LYRM4: variants seen among roughly 807,000 people sequenced by gnomAD.
LYRM4 encodes the protein LYR motif containing 4, also known as LYR motif-containing protein 4.
Under a neutral mutation model 11.7 loss-of-function variants are expected in LYRM4, and 9 were observed. That is an observed-to-expected ratio of 0.77 (90% CI 0.46 to 1.34). The LOEUF (loss-of-function observed/expected upper bound fraction) is 1.34. Among genes scored for constraint, LYRM4 ranks in the 40% most tolerant of loss-of-function variants. The pLI, the probability that LYRM4 is intolerant of heterozygous loss-of-function variation, is 0.00. For synonymous variants in LYRM4, 42 were observed against 40.4 expected, an observed-to-expected ratio of 1.04 and a Z score of -0.15; for missense variants, 133 against 112.5, an observed-to-expected ratio of 1.18 and a Z score of -0.82.
intron 1 of LYRM4, among the ~76,000 whole-genome samples, chr6:5,227,250 T>G (rs1401483276): frequency 6.6e-6 from 1 of 152,116 alleles, no homozygotes; most frequent in Non-Finnish European, 1.5e-5. Flanking sequence ...AAGAAGAGCT[T>G]GTTCCGATGA....
the LYRM4 span, among the ~76,000 whole-genome samples, chr6:5,098,287 T>A: frequency 6.6e-6 from 1 of 152,158 alleles, no homozygotes; most frequent in Admixed American, 6.5e-5. Flanking sequence ...GCACTGTGAG[T>A]CTCTGGTAGG....
chr6:5,169,608 A>G (rs1440823083), intron 2 of LYRM4, among the ~76,000 whole-genome samples: 2 of 152,218 alleles, frequency 1.3e-5, no homozygotes, highest in Admixed American at 1.3e-4. Flanking sequence ...TGTGAAATAC[A>G]CACCTATTTT....
chr6:5,198,501 G>A (rs1761203016), intron 2 of LYRM4, among the ~76,000 whole-genome samples: 1 of 152,154 alleles, frequency 6.6e-6, no homozygotes, highest in African/African-American at 2.4e-5. Flanking sequence ...AAAAGGCAAG[G>A]CACATTACTC....
chr6:5,244,092 T>C (rs76392548), intron 1 of LYRM4, among the ~76,000 whole-genome samples: 3,364 of 152,362 alleles, frequency 0.022, 119 homozygotes, highest in African/African-American at 0.074. Flanking sequence ...GACTTTATGA[T>C]GGCATGAGAG....
At chr6:5,156,145 G>A (rs992146201) in intron 2 of LYRM4, among the ~76,000 whole-genome samples, 4 of 152,202 alleles carry the variant, frequency 2.6e-5, no homozygotes, top group South Asian at 2.1e-4. Context: ...ATGATGAAAC[G>A]AAGTTAGCTC....
chr6:5,253,428 T>G (rs560430550), intron 1 of LYRM4, among the ~76,000 whole-genome samples: 29 of 134,636 alleles, frequency 2.2e-4, no homozygotes, highest in Admixed American at 1.6e-3. Flanking sequence ...CAATTCTCAG[T>G]TTTTTTTTTT....
intron 1 of LYRM4, 50 bp downstream of exon 1, chr6:5,260,598 T>TGCCCCGGCCCCCGGGCCCCCCCC: frequency 1.8e-6 from 2 of 1,105,570 alleles, no homozygotes; most frequent in Non-Finnish European, 2.6e-6. Context: ...GCACCCCCGG[T>TGCCCCGGCCCCCGGGCCCCCCCC]CCCCGGCCCC....
At chr6:5,088,010 C>CCCA in the LYRM4 span, 1 of 152,104 alleles carries the variant, frequency 6.6e-6, no homozygotes, top group African/African-American at 2.4e-5. Flanking sequence ...TACATTTGGC[C>CCCA]CATGGGCCAA....
At chr6:5,037,616 G>A in the LYRM4 span, among the ~76,000 whole-genome samples, 202 of 63,330 alleles carry the variant, frequency 3.2e-3, no homozygotes, top group East Asian at 8.5e-3. Context: ...CCTCCCGGAC[G>A]GGGCGGCTGG....
At chr6:5,169,795 T>C (rs1033654494) in intron 2 of LYRM4, among the ~76,000 whole-genome samples, 2 of 152,332 alleles carry the variant, frequency 1.3e-5, no homozygotes, top group East Asian at 3.9e-4. Flanking sequence ...CACCTTGCAT[T>C]CTGTGTCTGC....
chr6:5,063,543 C>A, the LYRM4 span, among the ~76,000 whole-genome samples: 2 of 152,184 alleles, frequency 1.3e-5, no homozygotes, highest in African/African-American at 2.4e-5. Flanking sequence ...TATTCTGACA[C>A]AATCTGAACC....
chr6:5,236,162 C>G (rs1763526916), intron 1 of LYRM4: 2 of 152,258 alleles, frequency 1.3e-5, no homozygotes, highest in South Asian at 4.1e-4. Context: ...CAAAATATTA[C>G]ATTATTAAAA....
the LYRM4 span, among the ~76,000 whole-genome samples, chr6:5,068,695 A>C: frequency 7.2e-5 from 11 of 152,224 alleles, no homozygotes; most frequent in Middle Eastern, 6.8e-3. This position sits in a 1 kb window ranked among gnomAD's most constrained non-coding sequence, Gnocchi z 4.0. Context: ...AGAGGAGGGG[A>C]GTCTGGGGAA....
chr6:5,118,094 A>ATATATATATATTTTTTTTTT lies in LYRM4; in HGVS notation c.208-8604_208-8603insAAAAAAAAAATATATATATA. On this transcript the variant is annotated intron_variant, in intron 2 of 2. Coordinates refer to ENST00000330636, the MANE Select transcript of LYRM4 (RefSeq NM_020408.6). ...TCACCAAAACAATATATATATATAT[A>ATATATATATATTTTTTTTTT]TTTTTGTTTTGTTTTGTTTTGTTTT... Among the ~76,000 whole-genome samples the ATATATATATATTTTTTTTTT allele has an allele frequency of 2.0e-4, 17 of 86,116 alleles. No homozygotes were observed. The East Asian group carries it at 3.1e-3, about 16-fold the overall frequency. 56.5% of individuals were successfully genotyped at this position (86,116 alleles called of 152,430 possible).
the LYRM4 span, among the ~76,000 whole-genome samples, chr6:5,056,608 C>T: frequency 1.3e-5 from 2 of 152,230 alleles, no homozygotes; most frequent in Non-Finnish European, 2.9e-5. Flanking sequence ...TAGCAACAAT[C>T]ACATTTGTTT....
chr6:5,137,274 C>G (rs1027986830), intron 2 of LYRM4, among the ~76,000 whole-genome samples: 2 of 152,194 alleles, frequency 1.3e-5, no homozygotes, highest in African/African-American at 4.8e-5. Flanking sequence ...CACTTTTTGG[C>G]TATTGCTAAT....
At chr6:5,063,582 A>T in the LYRM4 span, among the ~76,000 whole-genome samples, 1 of 152,134 alleles carries the variant, frequency 6.6e-6, no homozygotes. Flanking sequence ...GATCCCTGGA[A>T]CCCAGGCTTG....
intron 2 of LYRM4, among the ~76,000 whole-genome samples, chr6:5,170,759 C>A (rs1759382518): frequency 6.6e-6 from 1 of 152,166 alleles, no homozygotes; most frequent in Admixed American, 6.5e-5. Flanking sequence ...TGTATAAAAT[C>A]CCTTTATACT....
chr6:5,209,334 T>G (rs1377365483), intron 2 of LYRM4, among the ~76,000 whole-genome samples: 1 of 152,194 alleles, frequency 6.6e-6, no homozygotes, highest in Non-Finnish European at 1.5e-5. Flanking sequence ...TGACCTCAAG[T>G]GATCCACCCA....
Sources: gnomAD v4.1 joint callset for allele counts (sites outside exome capture counted in the v4.1 genomes callset) on GRCh38, gnomAD v4.1.1 for gene constraint, Gnocchi (gnomAD v3.1) non-coding constraint, MANE v1.5 for transcripts, NCBI Gene and HGNC (gene_info 2026-07-23, HGNC 2026-07-21) for gene names.